The following SEC14L5 variants were observed in gnomAD, a reference collection of about 807,000 sequenced individuals.
The protein encoded by SEC14L5 is SEC14-like protein 5.
In SEC14L5, 96 loss-of-function variants were observed where a neutral mutation model predicts 84.6. The ratio of observed to expected loss-of-function variants is 1.13; its 90% CI spans 0.96 to 1.34. The LOEUF is 1.34. SEC14L5 is among the 40% of genes most tolerant of loss of function. The probability of loss-of-function intolerance (pLI) is 0.00; values close to 1 mark genes in which losing one functional copy is unlikely to be tolerated. For missense variants in SEC14L5, 1,224 were observed against 942.5 expected (o/e 1.30, Z -3.91); for synonymous variants, 546 against 383.4 (o/e 1.42, Z -4.95).
chr16:5,011,859 G>T (rs977894299), intron 15 of SEC14L5, among the ~76,000 whole-genome samples: 2 of 152,194 alleles, frequency 1.3e-5, no homozygotes, highest in Admixed American at 6.5e-5. Flanking sequence ...TGGGCATGCG[G>T]TGTGCATGCC....
chr16:5,008,698 C>A, intron 14 of SEC14L5, 50 bp downstream of exon 14: 1 of 1,470,246 alleles, frequency 6.8e-7, no homozygotes, highest in Non-Finnish European at 9.4e-7. Context: ...CACTGAGTGT[C>A]CACTGCGTGC....
At chr16:5,009,900 G>A (rs974215415) in intron 14 of SEC14L5, among the ~76,000 whole-genome samples, 4 of 152,146 alleles carry the variant, frequency 2.6e-5, no homozygotes, top group African/African-American at 7.2e-5. Context: ...AATTGAAGCC[G>A]CAGGGAGAAG....
Position 4,962,252 on chromosome 16 carries a change from G to A in SEC14L5, c.63+2866G>A, listed in dbSNP as rs770603537. On this transcript the variant is annotated intron_variant, in intron 2 of 15. Transcript: ENST00000251170. ...TATGAATAGCACTAGTAATGTACTC[G>A]CATTGCCTGTATTGGGTATGTTAAA... 2.6e-5 allele frequency among the ~76,000 whole-genome samples: 4 copies of A among 151,796 alleles called. 1 individual carries two copies. The South Asian group carries it at 8.3e-4, about 31-fold the overall frequency.
intron 2 of SEC14L5, among the ~76,000 whole-genome samples, chr16:4,985,381 A>G (rs938734860): frequency 4.6e-5 from 7 of 152,094 alleles, no homozygotes; most frequent in Admixed American, 2.0e-4. Flanking sequence ...GCATGCTACT[A>G]TGCCCAGCTA....
intron 12 of SEC14L5, among the ~76,000 whole-genome samples, chr16:5,007,113 G>A (rs563867344): frequency 1.5e-4 from 23 of 152,294 alleles, no homozygotes; most frequent in African/African-American, 4.8e-4. Context: ...CTGTGTGATC[G>A]TGGGCGAGTG....
At position 5,011,279 on chromosome 16, in the gene SEC14L5, A is replaced by G; in HGVS notation, c.1979+6A>G. ...CTCGCCTCTGAGGACTTCAGGTAGG[A>G]GGGCTCCGGAGCGGGGTCCTGGGCA... On this transcript the variant is annotated splice_donor_region_variant and intron_variant, in intron 15 of 15. Coordinates refer to ENST00000251170, the MANE Select transcript of SEC14L5 (RefSeq NM_014692.2). The G allele has an allele frequency of 6.2e-7, 1 of 1,609,324 alleles. No individual in the cohort carries two copies. Among genetic ancestry groups the G allele is most frequent in the Non-Finnish European group, 8.5e-7 (1 of 1,176,268 alleles).
At chr16:5,011,812 A>G (rs749110383) in intron 15 of SEC14L5, among the ~76,000 whole-genome samples, 2 of 152,010 alleles carry the variant, frequency 1.3e-5, no homozygotes, top group African/African-American at 2.4e-5. Context: ...TGGGTTTGTC[A>G]TGAGGATGAG....
intron 10 of SEC14L5, among the ~76,000 whole-genome samples, chr16:5,001,297 C>T (rs1019803755): frequency 2.8e-5 from 4 of 144,392 alleles, no homozygotes; most frequent in South Asian, 2.3e-4. Flanking sequence ...CTCGCTCTGT[C>T]GCCCAGGCTG....
chr16:5,013,757 C>T (rs926724648), intron 15 of SEC14L5, among the ~76,000 whole-genome samples: 1 of 151,916 alleles, frequency 6.6e-6, no homozygotes, highest in African/African-American at 2.4e-5. Flanking sequence ...CAGGTTTCGC[C>T]ATGTTAGCCA....
chr16:5,013,689 G>C (rs185609357), intron 15 of SEC14L5, among the ~76,000 whole-genome samples: 71 of 151,094 alleles, frequency 4.7e-4, no homozygotes, highest in Admixed American at 1.1e-3. Flanking sequence ...CTCCTGAGTA[G>C]CTGGGATTAC....
chr16:5,011,330 A>G lies in SEC14L5; in HGVS notation c.1979+57A>G, dbSNP rs1955800805. 16 of 1,537,162 alleles carry G rather than the reference A, an allele frequency of 1.0e-5. No homozygotes were observed. The South Asian group carries it at 1.3e-4, about 12-fold the overall frequency. ...GGAAGGACCCTGGGGCTGATTGACAATGCAGATGCCTGGCCTCCTGTCTCC... is the reference window on the plus strand; with the variant it reads ...GGAAGGACCCTGGGGCTGATTGACAGTGCAGATGCCTGGCCTCCTGTCTCC... On this transcript the variant is annotated intron_variant, in intron 15 of 15. Transcript: ENST00000251170.
At chr16:4,987,357 C>A (rs1323389630) in intron 2 of SEC14L5, among the ~76,000 whole-genome samples, 200 bp from the exon 3 acceptor site, 1 of 152,186 alleles carries the variant, frequency 6.6e-6, no homozygotes, top group African/African-American at 2.4e-5. Context: ...AATCATTGTC[C>A]AGGCTCTGCT....
chr16:4,970,990 CCCAGCTA>C (rs1434766008), intron 2 of SEC14L5, among the ~76,000 whole-genome samples: 2 of 152,036 alleles, frequency 1.3e-5, no homozygotes, highest in Admixed American at 6.6e-5. Flanking sequence ...TGCCTGTAGT[CCCAGCTA>C]CGCGGGGGGC....
At position 4,981,138 on chromosome 16, in the gene SEC14L5, A is replaced by G. The variant is rs568848779; in HGVS notation, c.64-6419A>G. The stretch of plus-strand genomic sequence containing the variant: ...TTCTTTCTTTATTTATTTATTTGAG[A>G]TGGAGTCTTGCTCTGTCGCCCACGC... On this transcript the variant is annotated intron_variant, in intron 2 of 15. Coordinates refer to ENST00000251170, the MANE Select transcript of SEC14L5 (RefSeq NM_014692.2). Among the ~76,000 whole-genome samples the G allele has an allele frequency of 3.1e-3, 469 of 151,062 alleles. 2 individuals carry two copies. The highest frequency in any genetic ancestry group is 0.011 in the African/African-American group (439 of 41,152).
intron 6 of SEC14L5, 81 bp from the exon 7 acceptor site, chr16:4,996,267 A>G (rs888386967): frequency 8.4e-6 from 7 of 833,698 alleles, no homozygotes; most frequent in African/African-American, 6.8e-5. Context: ...TGAGGCAGCC[A>G]GTAAGGAATG....
rs1334467024 is a variant in SEC14L5 at position 5,017,042 on chromosome 16, C to G, written c.*2072C>G. ...ATCTTTAAGTGAATTTCTAGCTTTT[C>G]TCTTAAAAACTAGGTGTTATCCTAC... is the stretch of plus-strand genomic sequence containing the variant. On this transcript the variant is annotated 3_prime_UTR_variant, in exon 16 of 16. Transcript: ENST00000251170. 1 of 152,234 alleles carries G rather than the reference C, an allele frequency of 6.6e-6. No individual in the cohort carries two copies. The highest frequency in any genetic ancestry group is 2.4e-5 in the African/African-American group (1 of 41,452). The allele number at this position is 152,234 out of a possible 1,614,324, so 9.4% of individuals were successfully genotyped here.
chr16:4,990,740 C>G, intron 4 of SEC14L5, 27 bp from the exon 5 acceptor site: 1 of 1,590,730 alleles, frequency 6.3e-7, no homozygotes, highest in Admixed American at 1.7e-5. Context: ...CATTGAGTCC[C>G]TGGCATGACC....
chr16:5,008,888 G>C lies in SEC14L5; in HGVS notation c.1800+240G>C, dbSNP rs377549271. Among the ~76,000 whole-genome samples the C allele has an allele frequency of 3.9e-5, 6 of 152,366 alleles. No individual in the cohort carries two copies. In the South Asian group the frequency reaches 1.2e-3, roughly 32 times the overall value. On this transcript the variant is annotated intron_variant, in intron 14 of 15. Coordinates refer to ENST00000251170, the MANE Select transcript of SEC14L5 (RefSeq NM_014692.2). The stretch of plus-strand genomic sequence containing the variant: ...GGTGCTCTGCTGAGAGGTGGCTGGT[G>C]TCTTGGGGAGGAGCACAGGGTCTGG...
chr16:5,002,202 C>T (rs1955684833), intron 10 of SEC14L5, among the ~76,000 whole-genome samples: 1 of 152,212 alleles, frequency 6.6e-6, no homozygotes, highest in African/African-American at 2.4e-5. Context: ...CCTAAACAGC[C>T]CTGTGAGACA....
Sources: gnomAD v4.1 joint callset for allele counts (sites outside exome capture counted in the v4.1 genomes callset) on GRCh38, gnomAD v4.1.1 for gene constraint, MANE v1.5 for transcripts, NCBI Gene and HGNC (gene_info 2026-07-23, HGNC 2026-07-21) for gene names.